The following TRPM3 variants were observed in gnomAD, a reference collection of about 807,000 sequenced individuals.
TRPM3 encodes transient receptor potential cation channel subfamily M member 3.
TRPM3 carries 77 observed loss-of-function variants against 181.2 expected under a neutral mutation model. The ratio of observed to expected loss-of-function variants is 0.42; its 90% CI spans 0.35 to 0.51. The LOEUF (loss-of-function observed/expected upper bound fraction) is 0.51, where lower values mean the gene tolerates loss of function less well. TRPM3 is among the 20% of genes least tolerant of loss of function. TRPM3 has a pLI of 0.01. For missense variants in TRPM3, 1,759 were observed against 2,196.7 expected (o/e 0.80, Z 3.98); for synonymous variants, 745 against 796.4 (o/e 0.94, Z 1.09).
chr9:70,757,355 C>A (rs369760666), intron 8 of TRPM3, among the ~76,000 whole-genome samples: 5 of 152,204 alleles, frequency 3.3e-5, no homozygotes, highest in African/African-American at 4.8e-5. Context: ...GCCTACCAAC[C>A]AATAAAAGCC....
intron 6 of TRPM3, among the ~76,000 whole-genome samples, chr9:70,805,397 A>G (rs1249343138): frequency 6.6e-6 from 1 of 151,450 alleles, no homozygotes; most frequent in Non-Finnish European, 1.5e-5. Flanking sequence ...AGCCGGGCAT[A>G]GTGGCGGGCG....
chr9:70,653,338 G>A (rs2059836084), intron 9 of TRPM3, among the ~76,000 whole-genome samples: 1 of 152,116 alleles, frequency 6.6e-6, no homozygotes, highest in Non-Finnish European at 1.5e-5. Flanking sequence ...TGTGGGCAGT[G>A]TATTAGAGGA....
At chr9:71,325,756 C>CCACACACA (rs112291932) in intron 1 of TRPM3, among the ~76,000 whole-genome samples, 1 of 149,856 alleles carries the variant, frequency 6.7e-6, no homozygotes, top group African/African-American at 2.4e-5. Flanking sequence ...ACCCACCCAC[C>CCACACACA]CACACACACA....
At chr9:71,048,915 T>C (rs2059763022) in intron 1 of TRPM3, among the ~76,000 whole-genome samples, 1 of 152,230 alleles carries the variant, frequency 6.6e-6, no homozygotes. Flanking sequence ...TGATTTCTCA[T>C]GAGGAGCCTG....
chr9:70,910,647 G>A (rs2096528677), intron 1 of TRPM3, among the ~76,000 whole-genome samples: 1 of 152,100 alleles, frequency 6.6e-6, no homozygotes, highest in African/African-American at 2.4e-5. Context: ...ATGCTCTTCA[G>A]CTTCTAAAAA....
chr9:71,178,719 T>C (rs764713315), intron 1 of TRPM3, among the ~76,000 whole-genome samples: 3 of 151,914 alleles, frequency 2.0e-5, no homozygotes, highest in Admixed American at 6.6e-5. Context: ...TGAGAGAAAA[T>C]AGCAATTTTG....
At chr9:71,144,238 A>C (rs1279942493) in intron 1 of TRPM3, among the ~76,000 whole-genome samples, 1 of 152,142 alleles carries the variant, frequency 6.6e-6, no homozygotes, top group Non-Finnish European at 1.5e-5. Context: ...TTGTGCCCCT[A>C]GAAGTAGTAT....
chr9:70,864,784 C>T (rs887548365), intron 1 of TRPM3, among the ~76,000 whole-genome samples: 6 of 151,990 alleles, frequency 3.9e-5, no homozygotes, highest in African/African-American at 1.4e-4. Flanking sequence ...GAATCATGTA[C>T]AAATTCAGAA....
At chr9:70,674,163 T>C (rs1048636430) in intron 9 of TRPM3, among the ~76,000 whole-genome samples, 1 of 152,116 alleles carries the variant, frequency 6.6e-6, no homozygotes, top group African/African-American at 2.4e-5. Flanking sequence ...ATTAGAAATA[T>C]TTTTTATTAT....
chr9:70,615,422 C>T (rs1311684946), intron 18 of TRPM3, among the ~76,000 whole-genome samples: 3 of 152,200 alleles, frequency 2.0e-5, no homozygotes, highest in Non-Finnish European at 4.4e-5. Context: ...TGAGGAAGAG[C>T]TAATAAAAGC....
intron 22 of TRPM3, among the ~76,000 whole-genome samples, chr9:70,572,897 G>A (rs938830074): frequency 1.3e-5 from 2 of 152,072 alleles, no homozygotes; most frequent in African/African-American, 2.4e-5. Flanking sequence ...AGCCCTGAAC[G>A]GGCTTGTTCA....
intron 1 of TRPM3, among the ~76,000 whole-genome samples, chr9:70,923,646 G>A (rs2096682694): frequency 6.6e-6 from 1 of 151,926 alleles, no homozygotes; most frequent in Admixed American, 6.6e-5. Context: ...TTTCTTGCCA[G>A]TTGTCAAATG....
At chr9:70,551,386 C>T (rs1324614251) in intron 24 of TRPM3, among the ~76,000 whole-genome samples, 1 of 152,194 alleles carries the variant, frequency 6.6e-6, no homozygotes, top group East Asian at 1.9e-4. Context: ...TTCCTCCCTT[C>T]TGAGCATCCA....
chr9:71,033,642 G>C (rs2057815556), intron 1 of TRPM3, among the ~76,000 whole-genome samples: 1 of 152,172 alleles, frequency 6.6e-6, no homozygotes, highest in Non-Finnish European at 1.5e-5. Flanking sequence ...ATAAATGTTT[G>C]CAAAGTCAGA....
At chr9:71,259,468 C>G (rs992432394) in intron 1 of TRPM3, among the ~76,000 whole-genome samples, 1 of 152,228 alleles carries the variant, frequency 6.6e-6, no homozygotes, top group Admixed American at 6.5e-5. Flanking sequence ...AATTGCCACA[C>G]TGTCTCCCAC....
rs942922655 is a variant in TRPM3, at chr9:71,273,926, C to G, written c.183+172727G>C. Among the ~76,000 whole-genome samples, 55 of 152,298 alleles carry G rather than the reference C, an allele frequency of 3.6e-4. 1 individual carries two copies. The highest frequency in any genetic ancestry group is 1.2e-3 in the African/African-American group (50 of 41,566). ...CTCCTCCCTGAGTAATCCTGTCTCT[C>G]AAATTTGATCCCTGACTATAATACA... On this transcript the variant is annotated intron_variant, in intron 1 of 24. Transcript: ENST00000357533.
At chr9:70,932,916 T>A (rs1427565616) in intron 1 of TRPM3, among the ~76,000 whole-genome samples, 1 of 152,194 alleles carries the variant, frequency 6.6e-6, no homozygotes, top group Non-Finnish European at 1.5e-5. Context: ...TACTTTAGGC[T>A]AGAGGTACTT....
At chr9:71,296,123 T>G (rs1480305804) in intron 1 of TRPM3, among the ~76,000 whole-genome samples, 1 of 152,210 alleles carries the variant, frequency 6.6e-6, no homozygotes, top group African/African-American at 2.4e-5. Context: ...AGCTCTGGAC[T>G]CTGCTGCTTT....
chr9:70,854,800 G>A (rs1224287532), intron 3 of TRPM3, among the ~76,000 whole-genome samples: 2 of 152,140 alleles, frequency 1.3e-5, no homozygotes, highest in Non-Finnish European at 2.9e-5. Context: ...ATGACAATCA[G>A]AATAACATCT....
Sources: allele counts gnomAD v4.1 joint callset (sites outside exome capture counted in the v4.1 genomes callset), GRCh38; gene constraint gnomAD v4.1.1; transcripts MANE v1.5; gene names NCBI Gene and HGNC (gene_info 2026-07-23, HGNC 2026-07-21).